SYNDIG1L: variants seen among roughly 807,000 people sequenced by gnomAD.
SYNDIG1L encodes synapse differentiation-inducing gene protein 1-like.
Under a neutral mutation model 20.1 loss-of-function variants are expected in SYNDIG1L, and 13 were observed. The observed-to-expected ratio is 0.65, with a 90% CI of 0.42 to 1.03. The LOEUF is 1.03. Ranked by LOEUF, SYNDIG1L falls within the 50% of genes least tolerant of loss-of-function variation. The pLI is 0.00. For synonymous variants in SYNDIG1L, 128 were observed against 129.3 expected (o/e 0.99, Z 0.07); for missense variants, 294 against 305.1 (o/e 0.96, Z 0.27).
At chr14:74,442,633 A>C in the SYNDIG1L span, among the ~76,000 whole-genome samples, 2 of 152,186 alleles carry the variant, frequency 1.3e-5, no homozygotes, top group African/African-American at 4.8e-5. Context: ...TTTAGAAGAG[A>C]TCTCTAGCTA....
At chr14:74,467,770 C>T in the SYNDIG1L span, among the ~76,000 whole-genome samples, 1 of 152,134 alleles carries the variant, frequency 6.6e-6, no homozygotes, top group Non-Finnish European at 1.5e-5. Flanking sequence ...ACCCAAACCC[C>T]CAGCCAGGCC....
At chr14:74,450,020 GGAGT>G in the SYNDIG1L span, among the ~76,000 whole-genome samples, 1 of 152,028 alleles carries the variant, frequency 6.6e-6, no homozygotes, top group Non-Finnish European at 1.5e-5. Flanking sequence ...GCTAACATCA[GGAGT>G]GAGAGATGTA....
At chr14:74,471,053 C>G in the SYNDIG1L span, among the ~76,000 whole-genome samples, 2 of 152,212 alleles carry the variant, frequency 1.3e-5, no homozygotes, top group Non-Finnish European at 2.9e-5. Context: ...ACACAGATAA[C>G]AATGGAAACC....
chr14:74,472,568 G>T, the SYNDIG1L span, among the ~76,000 whole-genome samples: 1 of 152,238 alleles, frequency 6.6e-6, no homozygotes, highest in Admixed American at 6.5e-5. Flanking sequence ...GACTGGGAAA[G>T]CCAGACATTG....
At position 74,425,912 on chromosome 14, in the gene SYNDIG1L, C is replaced by G. The variant is rs1470332211; in HGVS notation, c.-58G>C. The stretch of plus-strand genomic sequence containing the variant: ...GCGGCGCCCCCAGACCGCCCCTTAC[C>G]TGTCCCGCCGCGGACGGTCCCGCCT... On this transcript the variant is annotated splice_region_variant and 5_prime_UTR_variant, in exon 1 of 4. Coordinates refer to ENST00000331628, the MANE Select transcript of SYNDIG1L (RefSeq NM_001105579.2). 3 of 152,156 alleles carry G rather than the reference C, an allele frequency of 2.0e-5. No homozygotes were observed. Among genetic ancestry groups the G allele is most frequent in the African/African-American group, 7.2e-5 (3 of 41,432 alleles). The allele number at this position is 152,156 out of a possible 1,614,324, so 9.4% of individuals were successfully genotyped here.
chr14:74,473,041 C>A, the SYNDIG1L span, among the ~76,000 whole-genome samples: 6 of 152,104 alleles, frequency 3.9e-5, no homozygotes, highest in African/African-American at 1.4e-4. Context: ...TTAAATAAAA[C>A]CAAATTAACC....
intron 1 of SYNDIG1L, among the ~76,000 whole-genome samples, chr14:74,412,240 G>A (rs2086137253): frequency 6.6e-6 from 1 of 152,210 alleles, no homozygotes; most frequent in South Asian, 2.1e-4. Context: ...TCGTGGCTGG[G>A]CTCCTCTGGG....
chr14:74,441,784 A>G, the SYNDIG1L span, among the ~76,000 whole-genome samples: 1 of 152,138 alleles, frequency 6.6e-6, no homozygotes, highest in African/African-American at 2.4e-5. Flanking sequence ...AAGTGCTGGG[A>G]TTACAGGTGT....
the SYNDIG1L span, among the ~76,000 whole-genome samples, chr14:74,458,519 G>A: frequency 6.6e-6 from 1 of 151,534 alleles, no homozygotes; most frequent in South Asian, 2.1e-4. Flanking sequence ...CTACTCGGGA[G>A]GCTGAGGCAG....
the SYNDIG1L span, among the ~76,000 whole-genome samples, chr14:74,463,683 A>T: frequency 6.6e-6 from 1 of 152,250 alleles, no homozygotes; most frequent in African/African-American, 2.4e-5. Context: ...GGGTGATTTG[A>T]TTATGGTTTT....
the SYNDIG1L span, chr14:74,479,579 T>C: frequency 2.0e-5 from 3 of 152,838 alleles, no homozygotes; most frequent in African/African-American, 4.8e-5. Flanking sequence ...CTAGGCTTTC[T>C]TCACAGCAGT....
chr14:74,448,202 A>C, the SYNDIG1L span, among the ~76,000 whole-genome samples: 1 of 152,172 alleles, frequency 6.6e-6, no homozygotes, highest in Non-Finnish European at 1.5e-5. Flanking sequence ...ACTAAAAGGC[A>C]GAGACTGTTA....
chr14:74,456,554 T>C, the SYNDIG1L span, among the ~76,000 whole-genome samples: 1 of 152,010 alleles, frequency 6.6e-6, no homozygotes, highest in Non-Finnish European at 1.5e-5. Context: ...CAAAAACCCA[T>C]AAAATAAAAT....
chr14:74,407,304 T>C lies in SYNDIG1L; in HGVS notation c.*231A>G. 2 of 611,594 alleles carry C rather than the reference T, an allele frequency of 3.3e-6. No individual in the cohort carries two copies. Among genetic ancestry groups the C allele is most frequent in the South Asian group, 2.0e-5 (1 of 50,532 alleles). 37.9% of individuals were successfully genotyped at this position (611,594 alleles called of 1,614,324 possible). On this transcript the variant is annotated 3_prime_UTR_variant, in exon 4 of 4. Transcript: ENST00000331628. The stretch of plus-strand genomic sequence containing the variant: ...GCAGCCCTGCCTTCTGTTTCCCGTC[T>C]GTAGCCTGGGTTAGAGAGTGGCGCC...
chr14:74,470,574 C>T, the SYNDIG1L span, among the ~76,000 whole-genome samples: 8 of 152,178 alleles, frequency 5.3e-5, no homozygotes, highest in Admixed American at 2.0e-4. Context: ...AAGAGTGGCA[C>T]GGGTTTGGGG....
chr14:74,432,560 A>T, the SYNDIG1L span, among the ~76,000 whole-genome samples: 1 of 152,176 alleles, frequency 6.6e-6, no homozygotes, highest in Non-Finnish European at 1.5e-5. Context: ...GGTACAATAG[A>T]GGTAGAAGGA....
At chr14:74,446,453 G>A in the SYNDIG1L span, among the ~76,000 whole-genome samples, 1 of 151,876 alleles carries the variant, frequency 6.6e-6, no homozygotes, top group African/African-American at 2.4e-5. Context: ...GAAAAGAGAG[G>A]GAGGAAACAT....
upstream of SYNDIG1L, among the ~76,000 whole-genome samples, chr14:74,428,342 G>A (rs188286540): frequency 5.3e-5 from 8 of 152,338 alleles, no homozygotes; most frequent in African/African-American, 1.4e-4. Context: ...CTTAGGGACT[G>A]AAGAATCTAC....
intron 1 of SYNDIG1L, among the ~76,000 whole-genome samples, chr14:74,412,634 C>G (rs2086140676): frequency 6.6e-6 from 1 of 152,166 alleles, no homozygotes; most frequent in Non-Finnish European, 1.5e-5. Flanking sequence ...CACAGTCATC[C>G]CCTTCCCTAC....
Sources: allele counts gnomAD v4.1 joint callset (sites outside exome capture counted in the v4.1 genomes callset), GRCh38; gene constraint gnomAD v4.1.1; transcripts MANE v1.5; gene names NCBI Gene and HGNC (gene_info 2026-07-23, HGNC 2026-07-21).